The following HLF variants were observed in gnomAD, a reference collection of about 807,000 sequenced individuals.
HLF encodes hepatic leukemia factor.
Under a neutral mutation model 22.6 loss-of-function variants are expected in HLF, and 3 were observed. The ratio of observed to expected loss-of-function variants is 0.13; its 90% CI spans 0.06 to 0.34. HLF has a LOEUF of 0.34. Ranked by LOEUF, HLF falls within the 10% of genes least tolerant of loss-of-function variation. The probability of loss-of-function intolerance (pLI) is 1.00; values close to 1 mark genes in which losing one functional copy is unlikely to be tolerated. For missense variants in HLF, 299 were observed against 389.2 expected (o/e 0.77, Z 1.95); for synonymous variants, 151 against 151.8 (o/e 0.99, Z 0.04).
chr17:55,283,282 G>C (rs2080971079), intron 2 of HLF, among the ~76,000 whole-genome samples: 1 of 152,142 alleles, frequency 6.6e-6, no homozygotes, highest in African/African-American at 2.4e-5. Flanking sequence ...TGTGATAGTA[G>C]GTTTCATCTT....
chr17:55,302,641 CA>C (rs1904349971), intron 2 of HLF, among the ~76,000 whole-genome samples: 1 of 152,108 alleles, frequency 6.6e-6, no homozygotes, highest in Admixed American at 6.6e-5. Flanking sequence ...TTTCTAAAAA[CA>C]AAATATTTAA....
chr17:55,282,770 T>C (rs937001378), intron 2 of HLF, among the ~76,000 whole-genome samples: 6 of 152,218 alleles, frequency 3.9e-5, no homozygotes, highest in African/African-American at 1.4e-4. Context: ...TTTTGGTGAA[T>C]GTCTAAAAAA....
intron 2 of HLF, among the ~76,000 whole-genome samples, chr17:55,273,847 A>C (rs16955831): frequency 0.023 from 3,488 of 151,234 alleles, 134 homozygotes; most frequent in African/African-American, 0.081. Context: ...TGACCCTGGC[A>C]TGAGAAAGCT....
intron 2 of HLF, among the ~76,000 whole-genome samples, chr17:55,286,382 G>C (rs138570100): frequency 6.4e-4 from 97 of 151,894 alleles, no homozygotes; most frequent in African/African-American, 2.1e-3. Context: ...GGCCAAGCTG[G>C]CTGTTTTGCC....
At chr17:55,282,473 G>C (rs2080963280) in intron 2 of HLF, among the ~76,000 whole-genome samples, 1 of 152,158 alleles carries the variant, frequency 6.6e-6, no homozygotes, top group Non-Finnish European at 1.5e-5. Context: ...TGACCAAACA[G>C]TTTACATCAA....
intron 2 of HLF, among the ~76,000 whole-genome samples, chr17:55,298,341 A>G (rs2081128119): frequency 6.6e-6 from 1 of 152,182 alleles, no homozygotes; most frequent in Non-Finnish European, 1.5e-5. Context: ...CCTGGTGGGC[A>G]TGGGCTTGAG....
chr17:55,309,173 C>T (rs1054360386), intron 2 of HLF, among the ~76,000 whole-genome samples: 3 of 152,164 alleles, frequency 2.0e-5, no homozygotes, highest in African/African-American at 7.2e-5. Flanking sequence ...CTTTGGCCAT[C>T]AGGACGTTAG....
rs2080813999 is a variant in HLF, at chr17:55,268,163, A to G, written c.451+77A>G. 3 of 1,025,630 alleles carry G rather than the reference A, an allele frequency of 2.9e-6. No individual in the cohort carries two copies. The Admixed American group carries it at 7.6e-5, about 26-fold the overall frequency. 63.5% of individuals were successfully genotyped at this position (1,025,630 alleles called of 1,614,324 possible). A position where few individuals can be genotyped will look rare whatever the true frequency, so the allele number is the denominator to read the frequency against. ...GACAGGCAAGGTAGAGTTAGCATAAACATCTTAACACTCAGGTTTTAGCAA... is the reference window on the plus strand; with the variant it reads ...GACAGGCAAGGTAGAGTTAGCATAAGCATCTTAACACTCAGGTTTTAGCAA... On this transcript the variant is annotated intron_variant, in intron 2 of 3. Transcript: ENST00000226067.
rs992272702 is a variant in HLF at position 55,265,245 on chromosome 17, G to A, written c.-240G>A. The A allele has an allele frequency of 1.4e-4, 52 of 381,422 alleles. No homozygotes were observed. Among genetic ancestry groups the A allele is most frequent in the Non-Finnish European group, 1.7e-4 (38 of 217,232 alleles). The allele number at this position is 381,422 out of a possible 1,614,324, so 23.6% of individuals were successfully genotyped here. A position where few individuals can be genotyped will look rare whatever the true frequency, so the allele number is the denominator to read the frequency against. ...CCTGCACGTCGCCGGGGAGCCCGCGGGCACTTGGCGCGCTCTCCTGGGACC... is the reference window on the plus strand; with the variant it reads ...CCTGCACGTCGCCGGGGAGCCCGCGAGCACTTGGCGCGCTCTCCTGGGACC... On this transcript the variant is annotated 5_prime_UTR_variant, in exon 1 of 4. Coordinates refer to ENST00000226067, the MANE Select transcript of HLF (RefSeq NM_002126.5).
intron 2 of HLF, among the ~76,000 whole-genome samples, chr17:55,275,517 C>T (rs1043308917): frequency 2.6e-5 from 4 of 152,094 alleles, no homozygotes; most frequent in African/African-American, 4.8e-5. Flanking sequence ...ATATAGTGAC[C>T]TTGGGGGTAA....
rs1253329405 is a variant in HLF at position 55,322,053 on chromosome 17, A to T, written c.*1174A>T. 4.7e-6 allele frequency: 1 copy of T among 213,196 alleles called. No individual in the cohort carries two copies. Among genetic ancestry groups the T allele is most frequent in the Non-Finnish European group, 9.5e-6 (1 of 105,276 alleles). The allele number at this position is 213,196 out of a possible 1,614,324, so 13.2% of individuals were successfully genotyped here. Reference sequence around the variant, plus strand: ...TAAGTTAATAAGTTGATGTTTTCTAAGGCCCTTTTTCCTAGTGGTGTCATT... The same window carrying T: ...TAAGTTAATAAGTTGATGTTTTCTATGGCCCTTTTTCCTAGTGGTGTCATT... On this transcript the variant is annotated 3_prime_UTR_variant, in exon 4 of 4. Coordinates refer to ENST00000226067, the MANE Select transcript of HLF (RefSeq NM_002126.5).
intron 2 of HLF, among the ~76,000 whole-genome samples, chr17:55,293,664 A>G (rs965648541): frequency 2.1e-4 from 32 of 152,300 alleles, no homozygotes; most frequent in African/African-American, 7.2e-4. Context: ...GCCCAGAGAA[A>G]GTGAGCAAAA....
At chr17:55,277,241 ATG>A (rs60023059) in intron 2 of HLF, among the ~76,000 whole-genome samples, 2,542 of 101,712 alleles carry the variant, frequency 0.025, 37 homozygotes, top group Non-Finnish European at 0.038. Context: ...TGTTATGTGT[ATG>A]TGTGTGTGTG....
rs536010868 is a variant in HLF, at chr17:55,300,949, C to G, written c.452-14278C>G. On this transcript the variant is annotated intron_variant, in intron 2 of 3. Transcript: ENST00000226067. ...CCACTCTTCTTACCCGCCGTGAGCT[C>G]CAGTTACACCAGCTACTCTCAGTTC... Among the ~76,000 whole-genome samples the G allele has an allele frequency of 6.6e-5, 10 of 152,362 alleles. No individual in the cohort carries two copies. In the South Asian group the frequency reaches 2.1e-3, roughly 32 times the overall value.
Position 55,267,878 on chromosome 17 carries a change from C to T in HLF, c.243C>T (p.Phe81=), listed in dbSNP as rs749260477. ...DKTLPYDGDT[F]QLEYMDLEEF... is the part of the protein sequence containing the mutation. Reference sequence around the variant, plus strand: ...CCCTTCCCTATGACGGAGATACTTTCCAGTTGGAATACATGGACCTGGAGG... The same window carrying T: ...CCCTTCCCTATGACGGAGATACTTTTCAGTTGGAATACATGGACCTGGAGG... The change falls in exon 2 of 4, where the codon TTC becomes TTT. Residue 81 remains phenylalanine, a synonymous_variant. Coordinates refer to ENST00000226067, the MANE Select transcript of HLF (RefSeq NM_002126.5). The T allele has an allele frequency of 6.2e-7, 1 of 1,614,112 alleles. No individual in the cohort carries two copies. The highest frequency in any genetic ancestry group is 8.5e-7 in the Non-Finnish European group (1 of 1,180,016).
intron 2 of HLF, among the ~76,000 whole-genome samples, chr17:55,270,886 C>T (rs1040909306): frequency 6.6e-6 from 1 of 152,112 alleles, no homozygotes; most frequent in African/African-American, 2.4e-5. Flanking sequence ...TCGTGATCCG[C>T]CCGCCTCGGC....
intron 2 of HLF, among the ~76,000 whole-genome samples, chr17:55,274,412 T>G (rs887921224): frequency 6.6e-5 from 10 of 152,180 alleles, no homozygotes; most frequent in Non-Finnish European, 8.8e-5. Context: ...ATATTGATTA[T>G]AGTATTTGGC....
intron 3 of HLF, among the ~76,000 whole-genome samples, chr17:55,319,210 G>A (rs1239390579): frequency 6.6e-6 from 1 of 152,188 alleles, no homozygotes; most frequent in African/African-American, 2.4e-5. Context: ...TTCTGTATTT[G>A]TGCAGGGCAA....
intron 2 of HLF, among the ~76,000 whole-genome samples, chr17:55,303,014 T>G (rs747860751): frequency 5.9e-5 from 9 of 152,194 alleles, no homozygotes; most frequent in Non-Finnish European, 1.0e-4. Flanking sequence ...ATAGGCAGCA[T>G]GTCATTGGAC....
Sources: gnomAD v4.1 joint callset for allele counts (sites outside exome capture counted in the v4.1 genomes callset) on GRCh38, gnomAD v4.1.1 for gene constraint, MANE v1.5 for transcripts, NCBI Gene and HGNC (gene_info 2026-07-23, HGNC 2026-07-21) for gene names.